Variants in SDK1 observed in about 807,000 individuals in gnomAD.
SDK1 encodes protein sidekick-1.
Under a neutral mutation model 245.5 loss-of-function variants are expected in SDK1, and 157 were observed. The observed-to-expected ratio is 0.64, with a 90% confidence interval of 0.56 to 0.73. The LOEUF (loss-of-function observed/expected upper bound fraction) is 0.73, where lower values mean the gene tolerates loss of function less well. SDK1 is among the 30% of genes least tolerant of loss of function. SDK1 has a pLI of 0.00. For missense variants in SDK1, 3,583 were observed against 3,002.3 expected, an observed-to-expected ratio of 1.19 and a Z score of -4.52; for synonymous variants, 1,647 against 1,278.5, an observed-to-expected ratio of 1.29 and a Z score of -6.15.
chr7:3,524,370 G>C (rs1490449471), intron 1 of SDK1, among the ~76,000 whole-genome samples: 2 of 152,170 alleles, frequency 1.3e-5, no homozygotes, highest in African/African-American at 4.8e-5. Flanking sequence ...AAGGATGGAA[G>C]CGGGGAGATC....
At chr7:4,152,021 T>C (rs1780416742) in intron 30 of SDK1, among the ~76,000 whole-genome samples, 1 of 152,204 alleles carries the variant, frequency 6.6e-6, no homozygotes, top group Admixed American at 6.5e-5. Context: ...CCTTAGTAGC[T>C]GCGTGGCCTT....
chr7:3,639,892 C>T (rs1782596891), intron 3 of SDK1, among the ~76,000 whole-genome samples: 1 of 152,020 alleles, frequency 6.6e-6, no homozygotes, highest in Non-Finnish European at 1.5e-5. Flanking sequence ...CTCTGTCTCT[C>T]AGGCTGGAGT....
intron 40 of SDK1, among the ~76,000 whole-genome samples, chr7:4,225,697 CAG>C (rs1238339147): frequency 1.3e-5 from 2 of 152,150 alleles, no homozygotes; most frequent in Non-Finnish European, 2.9e-5. Flanking sequence ...GCCCACGCCT[CAG>C]AGTGGCTTGC....
At chr7:4,232,610 T>G (rs1785867335) in intron 40 of SDK1, among the ~76,000 whole-genome samples, 1 of 151,962 alleles carries the variant, frequency 6.6e-6, no homozygotes, top group Non-Finnish European at 1.5e-5. Flanking sequence ...GGACCACAGG[T>G]GCATGCCACC....
intron 14 of SDK1, among the ~76,000 whole-genome samples, chr7:3,990,407 G>A (rs1199303135): frequency 6.6e-6 from 1 of 152,204 alleles, no homozygotes; most frequent in African/African-American, 2.4e-5. Flanking sequence ...GTGTGCAGAC[G>A]GCCATCTTAG....
At chr7:3,445,806 G>C (rs1780324399) in intron 1 of SDK1, among the ~76,000 whole-genome samples, 1 of 150,802 alleles carries the variant, frequency 6.6e-6, no homozygotes, top group African/African-American at 2.5e-5. Flanking sequence ...AAACTCAAGA[G>C]AAGACAGTCT....
chr7:3,866,006 G>A (rs1027144746), intron 5 of SDK1, among the ~76,000 whole-genome samples: 7 of 152,218 alleles, frequency 4.6e-5, no homozygotes, highest in African/African-American at 1.2e-4. Context: ...AGGAGATGGG[G>A]ATGCGAAGGA....
intron 22 of SDK1, among the ~76,000 whole-genome samples, chr7:4,080,605 A>G (rs941258319): frequency 7.9e-5 from 12 of 152,300 alleles, no homozygotes; most frequent in East Asian, 3.9e-4. Flanking sequence ...GGCGCAAACC[A>G]TCTGGATGGG....
chr7:4,078,854 A>G (rs573124886), intron 21 of SDK1, among the ~76,000 whole-genome samples: 3 of 152,278 alleles, frequency 2.0e-5, no homozygotes, highest in African/African-American at 4.8e-5. Flanking sequence ...GAGCAACTGA[A>G]TAGAAGCAGA....
At chr7:3,819,745 C>T (rs930521628) in intron 4 of SDK1, among the ~76,000 whole-genome samples, 2 of 151,896 alleles carry the variant, frequency 1.3e-5, no homozygotes, top group East Asian at 3.9e-4. Context: ...TCATAGAGAC[C>T]TCAAACAGTA....
chr7:3,320,840 G>T lies in SDK1; in HGVS notation c.298+18956G>T, dbSNP rs139808998. 6.0e-3 allele frequency among the ~76,000 whole-genome samples: 915 copies of T among 152,158 alleles called. 9 individuals are homozygous for T. Among genetic ancestry groups the T allele is most frequent in the African/African-American group, 0.02 (848 of 41,504 alleles). ...ACCAAAAAAATGTTTAACAATTTTG[G>T]TATGTTTCAGGAATTGGAGAAATTA... On this transcript the variant is annotated intron_variant, in intron 1 of 44. Coordinates refer to ENST00000404826, the MANE Select transcript of SDK1 (RefSeq NM_152744.4).
At chr7:3,833,997 A>G (rs79292111) in intron 5 of SDK1, among the ~76,000 whole-genome samples, 3,038 of 152,302 alleles carry the variant, frequency 0.02, 96 homozygotes, top group African/African-American at 0.065. Flanking sequence ...GATTTTGAAT[A>G]TCATCTCAAC....
chr7:3,895,426 G>A (rs1465575079), intron 5 of SDK1, among the ~76,000 whole-genome samples: 4 of 152,134 alleles, frequency 2.6e-5, no homozygotes, highest in African/African-American at 9.7e-5. Flanking sequence ...TGCTAAGTAG[G>A]GCTTCCAAGG....
intron 12 of SDK1, among the ~76,000 whole-genome samples, chr7:3,972,637 G>A (rs968401515): frequency 1.3e-5 from 2 of 152,214 alleles, no homozygotes; most frequent in African/African-American, 2.4e-5. Context: ...TGCATGAGTC[G>A]AATGGGCAGA....
chr7:3,906,513 C>T (rs929122279), intron 5 of SDK1, among the ~76,000 whole-genome samples: 2 of 151,658 alleles, frequency 1.3e-5, no homozygotes, highest in Non-Finnish European at 2.9e-5. Context: ...AATGGTTTCA[C>T]CTCTGCTTGT....
At chr7:3,475,704 C>G (rs746155290) in intron 1 of SDK1, among the ~76,000 whole-genome samples, 91 of 152,250 alleles carry the variant, frequency 6.0e-4, no homozygotes, top group Non-Finnish European at 1.1e-3. Flanking sequence ...AATAAATTTA[C>G]TTAACTCTCA....
Position 3,907,079 on chromosome 7 carries a change from T to C in SDK1, c.848-43844T>C, listed in dbSNP as rs1173184455. Among the ~76,000 whole-genome samples the C allele has an allele frequency of 3.3e-5, 5 of 152,250 alleles. No individual in the cohort carries two copies. In the South Asian group the frequency reaches 8.3e-4, roughly 25 times the overall value. On this transcript the variant is annotated intron_variant, in intron 5 of 44. Transcript: ENST00000404826. ...GGGTCTGAGCCAGTGTATTCTAATA[T>C]GTTGCTAAAATCAGATATATTTAAA...
At chr7:3,649,895 T>G (rs1782956953) in intron 4 of SDK1, among the ~76,000 whole-genome samples, 1 of 152,064 alleles carries the variant, frequency 6.6e-6, no homozygotes, top group Non-Finnish European at 1.5e-5. Flanking sequence ...AGAAAAGAGC[T>G]TGATGTATTT....
chr7:3,693,555 A>T (rs1052729913), intron 4 of SDK1, among the ~76,000 whole-genome samples: 1 of 151,810 alleles, frequency 6.6e-6, no homozygotes, highest in Admixed American at 6.6e-5. Flanking sequence ...GTGACCTTTG[A>T]TATGTTTTTT....
Sources: allele counts gnomAD v4.1 joint callset (sites outside exome capture counted in the v4.1 genomes callset), GRCh38; gene constraint gnomAD v4.1.1; transcripts MANE v1.5; gene names NCBI Gene and HGNC (gene_info 2026-07-23, HGNC 2026-07-21).